Variants in USP32 observed in about 807,000 individuals in gnomAD.
The protein encoded by USP32 is ubiquitin carboxyl-terminal hydrolase 32.
A neutral mutation model predicts 204.8 loss-of-function variants in USP32; 59 were observed. The ratio of observed to expected loss-of-function variants is 0.29; its 90% CI spans 0.23 to 0.36. The LOEUF (loss-of-function observed/expected upper bound fraction) is 0.36, where lower values mean the gene tolerates loss of function less well. Ranked by LOEUF, USP32 falls within the 10% of genes least tolerant of loss-of-function variation. The probability of loss-of-function intolerance (pLI) is 1.00; values close to 1 mark genes in which losing one functional copy is unlikely to be tolerated. For missense variants in USP32, 1,160 were observed against 1,946.4 expected (o/e 0.60, Z 7.60); for synonymous variants, 517 against 678.4 (o/e 0.76, Z 3.70).
intron 2 of USP32, among the ~76,000 whole-genome samples, chr17:60,317,636 G>A (rs896535876): frequency 1.6e-4 from 24 of 151,954 alleles, no homozygotes; most frequent in African/African-American, 4.8e-4. Context: ...GCAAAATAGC[G>A]AGACCCTCAC....
chr17:60,191,492 T>G (rs1247677458), intron 28 of USP32, among the ~76,000 whole-genome samples: 1 of 150,818 alleles, frequency 6.6e-6, no homozygotes, highest in Non-Finnish European at 1.5e-5. Context: ...AAGTCATGGT[T>G]CCAATGCCTA....
chr17:60,349,615 AT>A (rs2088888224), intron 1 of USP32, among the ~76,000 whole-genome samples: 2 of 74,362 alleles, frequency 2.7e-5, no homozygotes, highest in African/African-American at 2.3e-4. Flanking sequence ...ATATATATAT[AT>A]ATATATATTA....
At chr17:60,392,650 A>T (rs1302884432), upstream of USP32, 3 of 450,474 alleles carry the variant, frequency 6.7e-6, no homozygotes, top group South Asian at 4.7e-5. Flanking sequence ...GTGGGTAGGC[A>T]GGGAGCTCCC....
At chr17:60,201,445 T>C (rs548208601) in intron 26 of USP32, among the ~76,000 whole-genome samples, 210 of 152,196 alleles carry the variant, frequency 1.4e-3, no homozygotes, top group Non-Finnish European at 2.4e-3. Context: ...GAAAATTGTA[T>C]TCCAAAGTAG....
intron 26 of USP32, among the ~76,000 whole-genome samples, chr17:60,200,326 C>T (rs989333068): frequency 1.3e-5 from 2 of 152,058 alleles, no homozygotes; most frequent in African/African-American, 2.4e-5. Context: ...CTTTGGGAGG[C>T]CAAGGTGGGT....
chr17:60,287,837 G>T (rs2145846738), intron 5 of USP32, among the ~76,000 whole-genome samples: 1 of 152,176 alleles, frequency 6.6e-6, no homozygotes, highest in East Asian at 1.9e-4. Flanking sequence ...TCTCAGGCCG[G>T]GCATGGTGGC....
chr17:60,343,308 G>C (rs2088705493), intron 2 of USP32, among the ~76,000 whole-genome samples: 2 of 152,090 alleles, frequency 1.3e-5, no homozygotes, highest in Admixed American at 6.6e-5. Flanking sequence ...AGACCTAATA[G>C]AAATCTACAG....
intron 27 of USP32, among the ~76,000 whole-genome samples, 154 bp downstream of exon 27, chr17:60,198,106 T>G (rs79089047): frequency 0.021 from 3,216 of 152,318 alleles, 135 homozygotes; most frequent in African/African-American, 0.073. Flanking sequence ...ACTCCAAATA[T>G]CAAACCAAAT....
At chr17:60,322,019 A>G (rs1225770320) in intron 2 of USP32, among the ~76,000 whole-genome samples, 1 of 152,174 alleles carries the variant, frequency 6.6e-6, no homozygotes, top group Non-Finnish European at 1.5e-5. Context: ...AAATAAATAG[A>G]ATAAAAGCAT....
At chr17:60,345,241 A>C (rs1016616136) in intron 2 of USP32, among the ~76,000 whole-genome samples, 1 of 152,224 alleles carries the variant, frequency 6.6e-6, no homozygotes, top group African/African-American at 2.4e-5. Flanking sequence ...TATGATCATA[A>C]TCAGTGGCTA....
chr17:60,364,697 C>A (rs983687547), intron 1 of USP32, among the ~76,000 whole-genome samples: 2 of 152,196 alleles, frequency 1.3e-5, no homozygotes, highest in Admixed American at 6.6e-5. Flanking sequence ...TCATATTTAA[C>A]ATTCATGAAT....
chr17:60,238,866 C>G (rs973742329), intron 11 of USP32, among the ~76,000 whole-genome samples: 1 of 151,060 alleles, frequency 6.6e-6, no homozygotes, highest in East Asian at 1.9e-4. Flanking sequence ...CAGCTACTCA[C>G]GAAGCTGAGG....
chr17:60,191,978 T>C (rs1434718702), intron 28 of USP32, among the ~76,000 whole-genome samples: 2 of 147,050 alleles, frequency 1.4e-5, no homozygotes, highest in African/African-American at 5.5e-5. Context: ...TATGGTCTAC[T>C]GTGCTTAGAA....
intron 1 of USP32, chr17:60,422,013 T>C (rs943688244): frequency 3.3e-6 from 3 of 908,182 alleles, no homozygotes; most frequent in African/African-American, 1.9e-5. Context: ...TCCCACCCAG[T>C]ACCCAGCACC....
chr17:60,266,748 C>T (rs139605763), intron 7 of USP32, among the ~76,000 whole-genome samples: 6 of 151,944 alleles, frequency 3.9e-5, no homozygotes, highest in African/African-American at 1.4e-4. Context: ...CTCTGCCTCC[C>T]GGGTTCAAGC....
chr17:60,414,498 G>C (rs1048308147), intron 1 of USP32, among the ~76,000 whole-genome samples: 1 of 141,680 alleles, frequency 7.1e-6, no homozygotes, highest in East Asian at 2.4e-4. Flanking sequence ...GCATAATCTC[G>C]GCTCACTGCA....
At chr17:60,241,030 C>T (rs1275370827) in intron 11 of USP32, among the ~76,000 whole-genome samples, 1 of 152,162 alleles carries the variant, frequency 6.6e-6, no homozygotes, top group Non-Finnish European at 1.5e-5. Context: ...CAGAGTCTTG[C>T]TCTGTTGCCC....
At position 60,233,738 on chromosome 17, in the gene USP32, C is replaced by A. The variant is rs561462516; in HGVS notation, c.1239+2400G>T. Among the ~76,000 whole-genome samples, 6 of 152,140 alleles carry A rather than the reference C, an allele frequency of 3.9e-5. No homozygotes were observed. In the East Asian group the frequency reaches 1.2e-3, roughly 29 times the overall value. ...TGTTATTAGTCAACTTACATTTCCC[C>A]CACCTTATTAATAAGTTGCCATAGT... On this transcript the variant is annotated intron_variant, in intron 12 of 33. Coordinates refer to ENST00000300896, the MANE Select transcript of USP32 (RefSeq NM_032582.4).
In USP32 at chr17:60,296,583, T is replaced by C. The variant is rs74726842; in HGVS notation, c.293-1782A>G. 3.1e-3 allele frequency among the ~76,000 whole-genome samples: 466 copies of C among 152,290 alleles called. 4 individuals carry two copies. The highest frequency in any genetic ancestry group is 0.011 in the African/African-American group (443 of 41,552). ...GCCTTCAGAACTATGAGACGGTAAA[T>C]ATCTGTTGTTCTAAGCTACCCAGTT... is the stretch of plus-strand genomic sequence containing the variant. On this transcript the variant is annotated intron_variant, in intron 3 of 33. Transcript: ENST00000300896.
Sources: gnomAD v4.1 joint callset for allele counts (sites outside exome capture counted in the v4.1 genomes callset) on GRCh38, gnomAD v4.1.1 for gene constraint, MANE v1.5 for transcripts, NCBI Gene and HGNC (gene_info 2026-07-23, HGNC 2026-07-21) for gene names.